The following GGA3 variants were observed in gnomAD, a reference collection of about 807,000 sequenced individuals.
GGA3 encodes ADP-ribosylation factor-binding protein GGA3.
In GGA3, 57 loss-of-function variants were observed where a neutral mutation model predicts 77.5. The ratio of observed to expected loss-of-function variants is 0.74; its 90% confidence interval spans 0.59 to 0.92. The LOEUF (loss-of-function observed/expected upper bound fraction) is 0.92, where lower values mean the gene tolerates loss of function less well. GGA3 is among the 40% of genes least tolerant of loss of function. The pLI is 0.00. For missense variants in GGA3, 970 were observed against 914.9 expected (o/e 1.06, Z -0.78); for synonymous variants, 416 against 383.7 (o/e 1.08, Z -0.98).
intron 5 of GGA3, 36 bp downstream of exon 5, chr17:75,243,411 G>A: frequency 6.2e-7 from 1 of 1,612,786 alleles, no homozygotes; most frequent in Non-Finnish European, 8.5e-7. Flanking sequence ...CAGCCTTCGA[G>A]GGCTGCCTGG....
chr17:75,247,498 G>A (rs942449843), intron 1 of GGA3, among the ~76,000 whole-genome samples: 1 of 152,160 alleles, frequency 6.6e-6, no homozygotes. Context: ...CCGACCTCAG[G>A]TGATCGGCCC....
intron 1 of GGA3, among the ~76,000 whole-genome samples, chr17:75,248,522 C>T (rs2076839948): frequency 7.5e-6 from 1 of 132,726 alleles, no homozygotes; most frequent in South Asian, 2.5e-4. Context: ...TGCAGTGGCT[C>T]ACGCCTGTAA....
chr17:75,251,704 C>CT, intron 1 of GGA3, among the ~76,000 whole-genome samples: 1 of 49,164 alleles, frequency 2.0e-5, no homozygotes, highest in East Asian at 6.6e-4. Flanking sequence ...GAGACTCCTT[C>CT]TCAAAAAAAA....
chr17:75,243,775 T>A (rs2076658539), intron 4 of GGA3, among the ~76,000 whole-genome samples: 1 of 152,024 alleles, frequency 6.6e-6, no homozygotes, highest in African/African-American at 2.4e-5. Context: ...AGTCTGTGGA[T>A]AGGCAGGGGG....
In GGA3 at chr17:75,246,797, C is replaced by A; in HGVS notation, c.41-1G>T. ...CGGTTGGAAGGATTGGTGGCTTTATCTTGCAACACAACAAAGAAGAGGACA... is the reference window on the plus strand; with the variant it reads ...CGGTTGGAAGGATTGGTGGCTTTATATTGCAACACAACAAAGAAGAGGACA... On this transcript the variant is annotated splice_acceptor_variant, in intron 1 of 16. Coordinates refer to ENST00000537686, the MANE Select transcript of GGA3 (RefSeq NM_138619.4). LOFTEE classifies it high-confidence loss of function. The A allele has an allele frequency of 6.2e-7, 1 of 1,610,290 alleles. No homozygotes were observed. Among genetic ancestry groups the A allele is most frequent in the South Asian group, 1.1e-5 (1 of 91,046 alleles).
Position 75,247,450 on chromosome 17 carries a change from CG to C in GGA3, c.41-655del, listed in dbSNP as rs1266239246. 2.6e-5 allele frequency among the ~76,000 whole-genome samples: 4 copies of C among 152,080 alleles called. No individual in the cohort carries two copies. The East Asian group carries it at 7.8e-4, about 29-fold the overall frequency. ...ACTAATTTTGTATTTTTGGTAGAGA[CG>C]GGGTTTCTCCATGTTGGTCAGGCTG... On this transcript the variant is annotated intron_variant, in intron 1 of 16. Coordinates refer to ENST00000537686, the MANE Select transcript of GGA3 (RefSeq NM_138619.4).
chr17:75,243,320 A>T (rs1210318049), intron 5 of GGA3, 127 bp downstream of exon 5: 3 of 1,294,006 alleles, frequency 2.3e-6, no homozygotes, highest in Admixed American at 3.9e-5. Flanking sequence ...ACTCCGACTC[A>T]GCCTTGCCTG....
rs1340011759 is a variant in GGA3 at position 75,237,624 on chromosome 17, T to C, written c.*655A>G. 3 of 1,522,694 alleles carry C rather than the reference T, an allele frequency of 2.0e-6. No homozygotes were observed. The highest frequency in any genetic ancestry group is 2.6e-6 in the Non-Finnish European group (3 of 1,139,120). The allele number at this position is 1,522,694 out of a possible 1,614,324, so 94.3% of individuals were successfully genotyped here. On this transcript the variant is annotated 3_prime_UTR_variant, in exon 17 of 17. Transcript: ENST00000537686. ...CCAAATTCCATGTCCTGCCAAGATGTCCATAGGACACAGCCTGCCACTGCC... is the reference window on the plus strand; with the variant it reads ...CCAAATTCCATGTCCTGCCAAGATGCCCATAGGACACAGCCTGCCACTGCC...
At chr17:75,240,562 T>C in intron 11 of GGA3, 150 bp from the exon 12 acceptor site, 1 of 667,338 alleles carries the variant, frequency 1.5e-6, no homozygotes, top group Non-Finnish European at 2.6e-6. Flanking sequence ...CAGAGGGGAA[T>C]GGAGCGCTCC....
rs149597084 is a variant in GGA3, at chr17:75,259,848, C to A, written c.40+1700G>T. Among the ~76,000 whole-genome samples, 439 of 152,288 alleles carry A rather than the reference C, an allele frequency of 2.9e-3. 1 individual carries two copies. The highest frequency in any genetic ancestry group is 9.4e-3 in the African/African-American group (390 of 41,548). ...TCCCCCCCACCAAGTGTGTCCCTCT[C>A]ATTTCATAATGTGACTCTAGGCTGG... On this transcript the variant is annotated intron_variant, in intron 1 of 16. Transcript: ENST00000537686.
intron 1 of GGA3, among the ~76,000 whole-genome samples, chr17:75,252,047 T>C (rs545144263): frequency 6.6e-6 from 1 of 151,834 alleles, no homozygotes; most frequent in East Asian, 1.9e-4. Context: ...ATTACAGGTG[T>C]GAGTCCCAGT....
intron 1 of GGA3, among the ~76,000 whole-genome samples, chr17:75,254,209 C>T (rs2077065049): frequency 6.6e-6 from 1 of 152,006 alleles, no homozygotes; most frequent in African/African-American, 2.4e-5. Flanking sequence ...CCCATCTGAC[C>T]TTTCCCCTTC....
chr17:75,245,525 G>A lies in GGA3; in HGVS notation c.202-808C>T, dbSNP rs1211014662. Among the ~76,000 whole-genome samples, 8 of 149,170 alleles carry A rather than the reference G, an allele frequency of 5.4e-5. 1 individual carries two copies. The South Asian group carries it at 1.1e-3, about 20-fold the overall frequency. On this transcript the variant is annotated intron_variant, in intron 3 of 16. Coordinates refer to ENST00000537686, the MANE Select transcript of GGA3 (RefSeq NM_138619.4). ...GTTGAGAATCACTGGGTTTTGTTAC[G>A]TTTTTTTTTTGTTTTTTGACACAGA... is the stretch of plus-strand genomic sequence containing the variant.
chr17:75,249,711 T>C (rs1446582932), intron 1 of GGA3, among the ~76,000 whole-genome samples: 1 of 152,160 alleles, frequency 6.6e-6, no homozygotes. Flanking sequence ...TCATACACCT[T>C]GTGACAGAAG....
intron 1 of GGA3, among the ~76,000 whole-genome samples, chr17:75,252,823 C>T (rs959548960): frequency 6.6e-6 from 1 of 152,146 alleles, no homozygotes; most frequent in South Asian, 2.1e-4. Flanking sequence ...GAAGGTTCTT[C>T]GTAATTCTCC....
intron 4 of GGA3, among the ~76,000 whole-genome samples, chr17:75,244,107 G>A (rs368753808): frequency 1.5e-4 from 23 of 152,208 alleles, no homozygotes; most frequent in East Asian, 3.9e-4. Context: ...GCATTTTCAC[G>A]CACAAGTTGC....
intron 1 of GGA3, among the ~76,000 whole-genome samples, chr17:75,256,781 C>G (rs2077165331): frequency 6.6e-6 from 1 of 152,118 alleles, no homozygotes. Flanking sequence ...CCACCCAGGA[C>G]TGGCAAATTA....
At chr17:75,260,478 G>A (rs1291242240) in intron 1 of GGA3, among the ~76,000 whole-genome samples, 1 of 152,178 alleles carries the variant, frequency 6.6e-6, no homozygotes, top group Non-Finnish European at 1.5e-5. Flanking sequence ...TTTTGCAAAC[G>A]TGATCTTACT....
At chr17:75,254,073 CA>C (rs376637173) in intron 1 of GGA3, among the ~76,000 whole-genome samples, 32 of 152,158 alleles carry the variant, frequency 2.1e-4, no homozygotes, top group African/African-American at 7.0e-4. Flanking sequence ...GCATTTTTCA[CA>C]CTTCGTTCCC....
Sources: gnomAD v4.1 joint callset for allele counts (sites outside exome capture counted in the v4.1 genomes callset) on GRCh38, gnomAD v4.1.1 for gene constraint, MANE v1.5 for transcripts, NCBI Gene and HGNC (gene_info 2026-07-23, HGNC 2026-07-21) for gene names.